DHX35: variants seen among roughly 807,000 people sequenced by gnomAD.
The protein encoded by DHX35 is probable ATP-dependent RNA helicase DHX35.
In DHX35, 84 loss-of-function variants were observed where a neutral mutation model predicts 99.6. The ratio of observed to expected loss-of-function variants is 0.84; its 90% CI spans 0.71 to 1.01. The LOEUF (loss-of-function observed/expected upper bound fraction) is 1.01, where lower values mean the gene tolerates loss of function less well. Among genes scored for constraint, DHX35 ranks in the 50% least tolerant of loss-of-function variants. The pLI, the probability that DHX35 is intolerant of heterozygous loss-of-function variation, is 0.00. For missense variants in DHX35, 852 were observed against 888.5 expected (o/e 0.96, Z 0.52); for synonymous variants, 331 against 316.2 (o/e 1.05, Z -0.50).
intron 7 of DHX35, among the ~76,000 whole-genome samples, chr20:38,993,609 C>G (rs2145878308): frequency 6.6e-6 from 1 of 152,236 alleles, no homozygotes; most frequent in East Asian, 1.9e-4. Flanking sequence ...AGGTGATCTG[C>G]CTGCCTCGGC....
intron 17 of DHX35, 29 bp downstream of exon 17, chr20:39,023,796 C>T (rs1445857955): frequency 2.6e-6 from 4 of 1,565,866 alleles, no homozygotes; most frequent in Middle Eastern, 3.3e-4. Context: ...CGAAGTGCCG[C>T]CTCAACACAC....
chr20:39,015,338 G>A (rs1385766171), intron 14 of DHX35, among the ~76,000 whole-genome samples: 1 of 152,144 alleles, frequency 6.6e-6, no homozygotes, highest in East Asian at 1.9e-4. Context: ...CATTCCTGGA[G>A]TTGCTTGTGG....
intron 4 of DHX35, among the ~76,000 whole-genome samples, chr20:38,984,085 T>C (rs924831894): frequency 6.6e-6 from 1 of 152,016 alleles, no homozygotes; most frequent in Non-Finnish European, 1.5e-5. Context: ...AATTTTTTTA[T>C]ATTTTTAGTA....
intron 8 of DHX35, among the ~76,000 whole-genome samples, chr20:38,997,048 T>A (rs80062858): frequency 0.028 from 2,972 of 106,802 alleles, 108 homozygotes; most frequent in African/African-American, 0.11. Context: ...TAGATTCATT[T>A]TATTTATTTA....
Position 38,991,438 on chromosome 20 carries a change from T to C in DHX35, c.451-16T>C. 1 of 1,609,516 alleles carries C rather than the reference T, an allele frequency of 6.2e-7. No individual in the cohort carries two copies. Among genetic ancestry groups the C allele is most frequent in the Non-Finnish European group, 8.5e-7 (1 of 1,177,864 alleles). On this transcript the variant is annotated splice_polypyrimidine_tract_variant and intron_variant, in intron 5 of 21. Coordinates refer to ENST00000252011, the MANE Select transcript of DHX35 (RefSeq NM_021931.4). Reference sequence around the variant, plus strand: ...TAAGTGAATTATTTCTAAAGCTTTGTGTTTTTATTTTTTAGTTTCTTACTG... The same window carrying C: ...TAAGTGAATTATTTCTAAAGCTTTGCGTTTTTATTTTTTAGTTTCTTACTG...
At chr20:39,026,317 A>AG (rs1273430257) in intron 18 of DHX35, among the ~76,000 whole-genome samples, 2 of 152,188 alleles carry the variant, frequency 1.3e-5, no homozygotes, top group Non-Finnish European at 2.9e-5. Flanking sequence ...TTACACAGTG[A>AG]GGGTATGATG....
rs2086908035 is a variant in DHX35 at position 39,023,735 on chromosome 20, A to G, written c.1639A>G (p.Thr547Ala). 3 of 1,614,104 alleles carry G rather than the reference A, an allele frequency of 1.9e-6. No individual in the cohort carries two copies. Among genetic ancestry groups the G allele is most frequent in the Non-Finnish European group, 2.5e-6 (3 of 1,179,962 alleles). ...KFAVEEGDHL[T>A]MLNIYEAFIK... ...TGCTGTGGAGGAGGGCGACCACCTC[A>G]CTATGCTCAATATATATGAAGCATT... is the stretch of plus-strand genomic sequence containing the variant. The change falls in exon 17 of 22, where the codon ACT becomes GCT. Residue 547 changes from threonine to alanine, a missense_variant. Physicochemically the swap from Thr to Ala is moderately conservative, Grantham distance 58. Transcript: ENST00000252011.
At chr20:38,977,399 T>C (rs1397625598) in intron 3 of DHX35, among the ~76,000 whole-genome samples, 1 of 152,232 alleles carries the variant, frequency 6.6e-6, no homozygotes, top group East Asian at 1.9e-4. Flanking sequence ...CATCTTCTTT[T>C]GAGAAATGTC....
At chr20:38,964,455 G>A (rs2085880958) in intron 1 of DHX35, among the ~76,000 whole-genome samples, 1 of 151,620 alleles carries the variant, frequency 6.6e-6, no homozygotes, top group Non-Finnish European at 1.5e-5. Context: ...TTTTGAGATG[G>A]AGTCTGGCTC....
Position 39,030,719 on chromosome 20 carries a change from C to T in DHX35, c.1899C>T (p.Asp633=). 1 of 1,614,138 alleles carries T rather than the reference C, an allele frequency of 6.2e-7. No homozygotes were observed. The highest frequency in any genetic ancestry group is 8.5e-7 in the Non-Finnish European group (1 of 1,180,038). The change falls in exon 20 of 22, where the codon GAC becomes GAT. Residue 633 remains aspartate, a synonymous_variant. Transcript: ENST00000252011. The stretch of plus-strand genomic sequence containing the variant: ...ATGTTCCAAGGACCATCCGTGATGA[C>T]CATGAGCTGCACATACACCCTGCGT... ...STGAYRTIRD[D]HELHIHPASV...
At chr20:39,020,819 A>G (rs1249235296) in intron 15 of DHX35, among the ~76,000 whole-genome samples, 2 of 152,104 alleles carry the variant, frequency 1.3e-5, no homozygotes, top group South Asian at 2.1e-4. Context: ...ATGTGCCACC[A>G]TGCCCAGCTA....
rs2086614088 is a variant in DHX35, at chr20:39,006,213, G to C, written c.1079G>C (p.Cys360Ser). The change falls in exon 12 of 22, where the codon TGT becomes TCT. Residue 360 changes from cysteine (C) to serine (S), a missense_variant. Transcript: ENST00000252011. The stretch of plus-strand genomic sequence containing the variant: ...AGCGGCATTGTGTATGTGATCGACT[G>C]TGGCTTTGTGAAACTCCGAGCCTAC... ...TISGIVYVIDCGFVKLRAYNP... is the reference protein window; with the variant it reads ...TISGIVYVIDSGFVKLRAYNP... 6.2e-7 allele frequency: 1 copy of C among 1,614,066 alleles called. No homozygotes were observed. The highest frequency in any genetic ancestry group is 1.3e-5 in the African/African-American group (1 of 74,920).
intron 3 of DHX35, among the ~76,000 whole-genome samples, chr20:38,974,171 C>T (rs2086042526): frequency 6.6e-6 from 1 of 152,138 alleles, no homozygotes; most frequent in Non-Finnish European, 1.5e-5. Flanking sequence ...ATATGACAAG[C>T]TGAGCTTTAG....
chr20:38,993,177 G>T (rs1482369009), intron 7 of DHX35, among the ~76,000 whole-genome samples: 6 of 152,166 alleles, frequency 3.9e-5, no homozygotes, highest in African/African-American at 1.4e-4. Flanking sequence ...TCAAATTCTG[G>T]CTTTGCTGAG....
rs758015006 is a variant in DHX35, at chr20:39,014,923, A to G, written c.1391A>G (p.Tyr464Cys). 2.5e-6 allele frequency: 4 copies of G among 1,614,126 alleles called. No homozygotes were observed. The East Asian group carries it at 6.7e-5, about 27-fold the overall frequency. The change falls in exon 14 of 22, where the codon TAT (tyrosine) becomes TGT (cysteine). Residue 464 changes from tyrosine (Y) to cysteine (C), a missense_variant. By Grantham distance (194) the Tyr-to-Cys change is radical. Coordinates refer to ENST00000252011, the MANE Select transcript of DHX35 (RefSeq NM_021931.4). ...QSMVQALELL[Y>C]ALGGLDKDCR... ...ATGGTTCAAGCCTTGGAGTTACTGTATGCTCTGGGAGGTATGCCAGTTTCT... is the reference window on the plus strand; with the variant it reads ...ATGGTTCAAGCCTTGGAGTTACTGTGTGCTCTGGGAGGTATGCCAGTTTCT...
intron 21 of DHX35, among the ~76,000 whole-genome samples, chr20:39,037,378 C>CAAT: frequency 6.6e-6 from 1 of 152,294 alleles, no homozygotes; most frequent in East Asian, 1.9e-4. Flanking sequence ...GAGGCCTTTG[C>CAAT]AAGAGCCTGT....
intron 8 of DHX35, among the ~76,000 whole-genome samples, chr20:39,001,379 C>G (rs1376508029): frequency 6.6e-6 from 1 of 152,122 alleles, no homozygotes; most frequent in African/African-American, 2.4e-5. Context: ...TTGAGTCACA[C>G]CTTTGACCTA....
chr20:38,994,345 A>G (rs1168240963), intron 7 of DHX35, among the ~76,000 whole-genome samples: 1 of 151,696 alleles, frequency 6.6e-6, no homozygotes, highest in Non-Finnish European at 1.5e-5. Flanking sequence ...CACTTCTCCA[A>G]TGCCTGTTGA....
At chr20:39,017,556 C>T (rs543806551) in intron 14 of DHX35, among the ~76,000 whole-genome samples, 38 of 152,278 alleles carry the variant, frequency 2.5e-4, no homozygotes, top group South Asian at 6.2e-4. Flanking sequence ...AGGGACCCCC[C>T]GCCTCCCCCC....
Sources: allele counts gnomAD v4.1 joint callset (sites outside exome capture counted in the v4.1 genomes callset), GRCh38; gene constraint gnomAD v4.1.1; transcripts MANE v1.5; gene names NCBI Gene and HGNC (gene_info 2026-07-23, HGNC 2026-07-21).